DENND2B: variants seen among roughly 807,000 people sequenced by gnomAD.
DENND2B encodes the protein DENN domain containing 2B, also known as DENN domain-containing protein 2B.
A neutral mutation model predicts 116.0 loss-of-function variants in DENND2B; 32 were observed. The observed-to-expected ratio is 0.28, with a 90% CI of 0.21 to 0.37. The LOEUF (loss-of-function observed/expected upper bound fraction) is 0.37. Among genes scored for constraint, DENND2B ranks in the 10% least tolerant of loss-of-function variants. The pLI is 1.00. For missense variants in DENND2B, 1,276 were observed against 1,477.7 expected, an observed-to-expected ratio of 0.86 and a Z score of 2.24; for synonymous variants, 588 against 583.9, an observed-to-expected ratio of 1.01 and a Z score of -0.10.
chr11:8,782,512 C>T (rs1320991482), intron 1 of DENND2B, among the ~76,000 whole-genome samples: 1 of 152,144 alleles, frequency 6.6e-6, no homozygotes, highest in Non-Finnish European at 1.5e-5. Flanking sequence ...TACAGTGTTA[C>T]ATTTATGAAA....
chr11:8,719,277 A>G (rs2045704218), intron 4 of DENND2B: 1 of 968,144 alleles, frequency 1.0e-6, no homozygotes, highest in Non-Finnish European at 1.2e-6. Context: ...ACATTGTGGC[A>G]TCTACTTATG....
At position 8,776,186 on chromosome 11, in the gene DENND2B, A is replaced by ACACACACACACACACACC. The variant is rs761084725; in HGVS notation, c.-25-25462_-25-25461insGGTGTGTGTGTGTGTGTG. 525 of 442,174 alleles carry ACACACACACACACACACC rather than the reference A, an allele frequency of 1.2e-3. 6 individuals carry two copies. Among genetic ancestry groups the ACACACACACACACACACC allele is most frequent in the Middle Eastern group, 3.5e-3 (10 of 2,834 alleles). The allele number at this position is 442,174 out of a possible 1,614,324, so 27.4% of individuals were successfully genotyped here. The stretch of plus-strand genomic sequence containing the variant: ...CACACACACACACACACACACACAC[A>ACACACACACACACACACC]CCTACCTCTCTCCAGGCAGGACACC... On this transcript the variant is annotated intron_variant, in intron 1 of 19. Coordinates refer to ENST00000313726, the MANE Select transcript of DENND2B (RefSeq NM_213618.2).
intron 4 of DENND2B, among the ~76,000 whole-genome samples, chr11:8,834,478 A>AT (rs145671065): frequency 0.025 from 3,806 of 152,302 alleles, 168 homozygotes; most frequent in African/African-American, 0.086. Flanking sequence ...TTACATCATG[A>AT]TTTTCAAAGT....
At chr11:8,698,885 G>T in intron 16 of DENND2B, 48 bp downstream of exon 16, 1 of 1,607,966 alleles carries the variant, frequency 6.2e-7, no homozygotes. Context: ...GTGTGTGATG[G>T]TGCAGGGTGC....
Position 8,707,879 on chromosome 11 carries a change from GAGA to G in DENND2B, c.2353-28_2353-26del. 1 of 1,594,960 alleles carries G rather than the reference GAGA, an allele frequency of 6.3e-7. No homozygotes were observed. Among genetic ancestry groups the G allele is most frequent in the Non-Finnish European group, 8.5e-7 (1 of 1,170,990 alleles). On this transcript the variant is annotated intron_variant, in intron 11 of 19. Transcript: ENST00000313726. This position sits in a 1 kb window ranked among gnomAD's most constrained non-coding sequence, Gnocchi z 4.8. ...GCTGGGCCAGGACAAGGAGGAGGAG[GAGA>G]GAGACAGACACAGAGAATGCATGAT...
intron 5 of DENND2B, among the ~76,000 whole-genome samples, chr11:8,717,482 A>G (rs1009747268): frequency 4.6e-5 from 7 of 152,224 alleles, no homozygotes; most frequent in Admixed American, 4.6e-4. Context: ...AAGATAGGAC[A>G]GGATGCCCCT....
intron 1 of DENND2B, among the ~76,000 whole-genome samples, chr11:8,806,636 A>ACACACACACACACACACACACACACC: frequency 6.6e-6 from 1 of 151,594 alleles, no homozygotes. Context: ...ACACACACAC[A>ACACACACACACACACACACACACACC]CACCCAGGAG....
intron 1 of DENND2B, among the ~76,000 whole-genome samples, chr11:8,758,693 A>G (rs2054037111): frequency 6.6e-6 from 1 of 152,176 alleles, no homozygotes; most frequent in African/African-American, 2.4e-5. Flanking sequence ...GCACTCCTAT[A>G]TGACAACAGT....
chr11:8,874,785 G>A (rs1164578114), upstream of DENND2B, among the ~76,000 whole-genome samples: 1 of 151,996 alleles, frequency 6.6e-6, no homozygotes, highest in Non-Finnish European at 1.5e-5. Context: ...GCTGAGCATG[G>A]TGGTTTATGT....
chr11:8,726,063 C>T lies in DENND2B; in HGVS notation c.1477+10G>A. The T allele has an allele frequency of 6.2e-7, 1 of 1,613,990 alleles. No homozygotes were observed. The highest frequency in any genetic ancestry group is 1.1e-5 in the South Asian group (1 of 91,058). ...GAGATGACCCAGGTGCCACCTCTGCCATTGCTTACCCACAATATCTTCATA... is the reference window on the plus strand; with the variant it reads ...GAGATGACCCAGGTGCCACCTCTGCTATTGCTTACCCACAATATCTTCATA... On this transcript the variant is annotated intron_variant, in intron 4 of 19. Coordinates refer to ENST00000313726, the MANE Select transcript of DENND2B (RefSeq NM_213618.2).
upstream of DENND2B, among the ~76,000 whole-genome samples, chr11:8,872,915 T>C (rs2063805019): frequency 6.6e-6 from 1 of 152,222 alleles, no homozygotes; most frequent in Admixed American, 6.5e-5. Flanking sequence ...TCTACTCTAG[T>C]TCACTGAAGT....
At chr11:8,711,734 G>T (rs1194347883) in intron 9 of DENND2B, among the ~76,000 whole-genome samples, 3 of 152,168 alleles carry the variant, frequency 2.0e-5, no homozygotes, top group African/African-American at 7.2e-5. Context: ...AGGAGTGGTG[G>T]CGCATGCCTG....
intron 1 of DENND2B, among the ~76,000 whole-genome samples, chr11:8,805,514 G>A (rs927935525): frequency 2.0e-5 from 3 of 152,008 alleles, no homozygotes; most frequent in Non-Finnish European, 4.4e-5. Flanking sequence ...ACCATCCTTT[G>A]ACACTGTCAA....
At chr11:8,733,495 T>C (rs1470318114) in intron 2 of DENND2B, among the ~76,000 whole-genome samples, 1 of 152,186 alleles carries the variant, frequency 6.6e-6, no homozygotes, top group Non-Finnish European at 1.5e-5. Context: ...AGACATAAAT[T>C]CATGTCCTCG....
rs2045218768 is a variant in DENND2B, at chr11:8,717,812, C to T, written c.1558G>A (p.Glu520Lys). Residue 520 changes from glutamate to lysine, a missense_variant, in exon 5 of 20, where the codon GAG (glutamate) becomes AAG (lysine). Glu to Lys is a moderately conservative substitution (Grantham distance 56, BLOSUM62 1). Transcript: ENST00000313726. ...CTGTGCAAAGAGTCCAAGGAGTTCT[C>T]AGACAGTTGCTGGGATTTTCGTCCT... Reference protein sequence around the residue: ...RAGRKSQQLSENSLDSLHRMW... With the variant: ...RAGRKSQQLSKNSLDSLHRMW... The T allele has an allele frequency of 6.2e-7, 1 of 1,613,316 alleles. No homozygotes were observed. The highest frequency in any genetic ancestry group is 8.5e-7 in the Non-Finnish European group (1 of 1,179,486).
At chr11:8,886,654 A>G (rs965579052) in intron 1 of DENND2B, among the ~76,000 whole-genome samples, 3 of 151,742 alleles carry the variant, frequency 2.0e-5, no homozygotes, top group African/African-American at 7.3e-5. Context: ...ATTTTAGATG[A>G]TAGTACCTGT....
At chr11:8,857,715 G>C (rs1014637446) in intron 2 of DENND2B, among the ~76,000 whole-genome samples, 2 of 152,182 alleles carry the variant, frequency 1.3e-5, no homozygotes, top group African/African-American at 4.8e-5. Flanking sequence ...GCACTGTGTA[G>C]AAGAAAGGGA....
intron 2 of DENND2B, among the ~76,000 whole-genome samples, chr11:8,749,953 C>T (rs1347698489): frequency 6.6e-6 from 1 of 152,214 alleles, no homozygotes; most frequent in Non-Finnish European, 1.5e-5. Context: ...GCTTTGATCT[C>T]ATCCTCAAAA....
intron 1 of DENND2B, chr11:8,786,918 A>G (rs146276410): frequency 2.6e-5 from 4 of 152,366 alleles, no homozygotes; most frequent in African/African-American, 9.6e-5. Context: ...TATGTTATTA[A>G]CATGACTATG....
Sources: allele counts gnomAD v4.1 joint callset (sites outside exome capture counted in the v4.1 genomes callset), GRCh38; gene constraint gnomAD v4.1.1; non-coding constraint Gnocchi (gnomAD v3.1); transcripts MANE v1.5; gene names NCBI Gene and HGNC (gene_info 2026-07-23, HGNC 2026-07-21).